MYLK: variants seen among roughly 807,000 people sequenced by gnomAD.
MYLK encodes myosin light chain kinase.
MYLK carries 106 observed loss-of-function variants against 203.4 expected under a neutral mutation model. The ratio of observed to expected loss-of-function variants is 0.52; its 90% CI spans 0.45 to 0.61. The LOEUF is 0.61. Ranked by LOEUF, MYLK falls within the 20% of genes least tolerant of loss-of-function variation. MYLK has a pLI of 0.00. For missense variants in MYLK, 2,072 were observed against 2,442.3 expected, an observed-to-expected ratio of 0.85 and a Z score of 3.20; for synonymous variants, 867 against 959.5, an observed-to-expected ratio of 0.90 and a Z score of 1.78.
intron 3 of MYLK, among the ~76,000 whole-genome samples, chr3:123,823,862 A>G (rs1357275540): frequency 3.3e-5 from 5 of 152,094 alleles, no homozygotes; most frequent in African/African-American, 1.2e-4. Context: ...TGTTCCTCCA[A>G]CCACACCAAG....
Position 123,620,193 on chromosome 3 carries a change from A to G in MYLK, c.5368+14T>C. The stretch of plus-strand genomic sequence containing the variant: ...TTTCTTTCTCACCAGCTGGCTGGAG[A>G]AACTCCTCCTTACCTTCAGATTCTA... On this transcript the variant is annotated intron_variant, in intron 32 of 33. Coordinates refer to ENST00000360304, the MANE Select transcript of MYLK (RefSeq NM_053025.4). 1 of 1,590,806 alleles carries G rather than the reference A, an allele frequency of 6.3e-7. No homozygotes were observed.
intron 2 of MYLK, among the ~76,000 whole-genome samples, chr3:123,866,440 G>C (rs1166295108): frequency 1.3e-5 from 2 of 152,140 alleles, no homozygotes; most frequent in Non-Finnish European, 2.9e-5. Context: ...CATTATTTTA[G>C]AATTGGATAA....
At chr3:123,773,818 C>A (rs1270402343) in intron 4 of MYLK, among the ~76,000 whole-genome samples, 2 of 152,216 alleles carry the variant, frequency 1.3e-5, no homozygotes, top group Non-Finnish European at 2.9e-5. Context: ...GCAGCCCACA[C>A]CCCTGCCACG....
chr3:123,853,863 G>A (rs1447558835), intron 2 of MYLK, among the ~76,000 whole-genome samples: 1 of 152,048 alleles, frequency 6.6e-6, no homozygotes, highest in Non-Finnish European at 1.5e-5. Flanking sequence ...TCAAGATGTG[G>A]AGTCTATTTC....
chr3:123,789,141 G>A (rs913125752), intron 4 of MYLK, among the ~76,000 whole-genome samples: 1 of 152,156 alleles, frequency 6.6e-6, no homozygotes, highest in Admixed American at 6.5e-5. Context: ...AGCCCTGGCT[G>A]TCTGTACATG....
chr3:123,770,277 T>A (rs564630148), intron 4 of MYLK, among the ~76,000 whole-genome samples: 1 of 152,216 alleles, frequency 6.6e-6, no homozygotes, highest in Admixed American at 6.5e-5. Context: ...TGAGCTGAGA[T>A]CATGCCATTA....
chr3:123,703,511 C>CAGGG (rs913040851), intron 16 of MYLK, among the ~76,000 whole-genome samples: 1 of 152,188 alleles, frequency 6.6e-6, no homozygotes, highest in African/African-American at 2.4e-5. Context: ...ATTCAAGGTG[C>CAGGG]AGGGAGTCTC....
intron 3 of MYLK, among the ~76,000 whole-genome samples, chr3:123,794,921 C>T (rs1230409809): frequency 2.0e-5 from 3 of 152,088 alleles, no homozygotes; most frequent in Admixed American, 2.0e-4. Context: ...TATGTATAGT[C>T]ATCATTTCGC....
At chr3:123,615,666 T>TC (rs397779294) in intron 33 of MYLK, among the ~76,000 whole-genome samples, 7 of 151,144 alleles carry the variant, frequency 4.6e-5, no homozygotes, top group Non-Finnish European at 1.0e-4. Context: ...TTTTTTTTTT[T>TC]GAGACAGAGT....
chr3:123,784,831 G>C (rs1194457348), intron 4 of MYLK, among the ~76,000 whole-genome samples: 1 of 152,132 alleles, frequency 6.6e-6, no homozygotes. Context: ...CTGAATGAGG[G>C]GGCGGACTGC....
chr3:123,775,990 TC>T (rs2064061873), intron 4 of MYLK, among the ~76,000 whole-genome samples: 1 of 152,124 alleles, frequency 6.6e-6, no homozygotes, highest in South Asian at 2.1e-4. Context: ...GATCTCTGAG[TC>T]TGCTTGCTGT....
intron 4 of MYLK, among the ~76,000 whole-genome samples, chr3:123,780,047 A>C (rs2064233048): frequency 6.6e-6 from 1 of 152,248 alleles, no homozygotes; most frequent in African/African-American, 2.4e-5. Flanking sequence ...CCTGCAAACT[A>C]GTCACTTAAG....
intron 16 of MYLK, 78 bp from the exon 17 acceptor site, chr3:123,701,587 G>T: frequency 1.4e-6 from 2 of 1,455,448 alleles, no homozygotes; most frequent in South Asian, 1.1e-5. Flanking sequence ...TTGATCACAG[G>T]CTGCTGGCCA....
intron 19 of MYLK, among the ~76,000 whole-genome samples, chr3:123,686,700 C>A (rs945439110): frequency 2.6e-5 from 4 of 152,116 alleles, no homozygotes; most frequent in African/African-American, 9.7e-5. Context: ...CAAGGAAAAC[C>A]GAAATAACAT....
intron 4 of MYLK, among the ~76,000 whole-genome samples, chr3:123,760,786 G>C (rs756923926): frequency 1.3e-5 from 2 of 152,132 alleles, no homozygotes; most frequent in Non-Finnish European, 2.9e-5. Flanking sequence ...AGAACATTCT[G>C]CTCTGGTTGA....
intron 4 of MYLK, among the ~76,000 whole-genome samples, chr3:123,762,905 C>T (rs1576887813): frequency 6.6e-6 from 1 of 152,322 alleles, no homozygotes; most frequent in Non-Finnish European, 1.5e-5. Context: ...TTATAAATTA[C>T]TCGGTCTGTG....
At chr3:123,859,398 G>A (rs540961710) in intron 2 of MYLK, among the ~76,000 whole-genome samples, 18 of 152,322 alleles carry the variant, frequency 1.2e-4, no homozygotes, top group African/African-American at 4.3e-4. Flanking sequence ...TTCTCAACTA[G>A]TCAATTACTC....
rs1203417041 is a variant in MYLK at position 123,642,102 on chromosome 3, CACCAGT to C, written c.4620-1604_4620-1599del. Among the ~76,000 whole-genome samples the C allele has an allele frequency of 6.6e-6, 1 of 152,080 alleles. No individual in the cohort carries two copies. The highest frequency in any genetic ancestry group is 1.5e-5 in the Non-Finnish European group (1 of 68,020). On this transcript the variant is annotated intron_variant, in intron 27 of 33. Coordinates refer to ENST00000360304, the MANE Select transcript of MYLK (RefSeq NM_053025.4). The surrounding 1 kb of genome is among the most constrained non-coding windows in gnomAD (Gnocchi z 4.2). ...ATGTTTCTGCAGTGGCCTGTAGGTCCACCAGTTGAACAAGGCCGGGTGGGTTCTGGG... is the reference window on the plus strand; with the variant it reads ...ATGTTTCTGCAGTGGCCTGTAGGTCCTGAACAAGGCCGGGTGGGTTCTGGG...
At chr3:123,659,129 C>CTT (rs1296632472) in intron 23 of MYLK, among the ~76,000 whole-genome samples, 1 of 152,142 alleles carries the variant, frequency 6.6e-6, no homozygotes, top group Non-Finnish European at 1.5e-5. Context: ...TCTAAACTCT[C>CTT]TTAAAGACAA....
Sources: allele counts gnomAD v4.1 joint callset (sites outside exome capture counted in the v4.1 genomes callset), GRCh38; gene constraint gnomAD v4.1.1; non-coding constraint Gnocchi (gnomAD v3.1); transcripts MANE v1.5; gene names NCBI Gene and HGNC (gene_info 2026-07-23, HGNC 2026-07-21).